NRG3: variants seen among roughly 807,000 people sequenced by gnomAD.
NRG3 encodes pro-neuregulin-3, membrane-bound isoform.
A neutral mutation model predicts 66.9 loss-of-function variants in NRG3; 31 were observed. The observed-to-expected ratio is 0.46, with a 90% CI of 0.35 to 0.63. NRG3 has a LOEUF of 0.63. NRG3 is among the 20% of genes least tolerant of loss of function. The pLI is 0.00. For missense variants in NRG3, 910 were observed against 878.9 expected, an observed-to-expected ratio of 1.04 and a Z score of -0.45; for synonymous variants, 393 against 359.4, an observed-to-expected ratio of 1.09 and a Z score of -1.06.
chr10:82,012,432 A>G (rs1303377472), intron 1 of NRG3, among the ~76,000 whole-genome samples: 1 of 150,470 alleles, frequency 6.6e-6, no homozygotes, highest in Non-Finnish European at 1.5e-5. Context: ...GAGACATTTT[A>G]CCCATTGTCT....
intron 4 of NRG3, among the ~76,000 whole-genome samples, chr10:82,900,282 G>A (rs1442020836): frequency 2.0e-5 from 3 of 152,126 alleles, no homozygotes; most frequent in South Asian, 2.1e-4. Context: ...TGAGATTTGG[G>A]TGGGGACACG....
Position 82,481,528 on chromosome 10 carries a change from CTATT to C in NRG3, c.953+122663_953+122666del, listed in dbSNP as rs550368876. On this transcript the variant is annotated intron_variant, in intron 2 of 8. Transcript: ENST00000372141. ...AAATTAAAGGGTCAAAATGATTACT[CTATT>C]TAATTAATCATTCATTTACATATTA... is the stretch of plus-strand genomic sequence containing the variant. 1.1e-3 allele frequency among the ~76,000 whole-genome samples: 175 copies of C among 152,192 alleles called. 1 individual carries two copies. The highest frequency in any genetic ancestry group is 3.9e-3 in the African/African-American group (164 of 41,520).
At chr10:82,907,981 A>C (rs918089253) in intron 4 of NRG3, among the ~76,000 whole-genome samples, 1 of 152,232 alleles carries the variant, frequency 6.6e-6, no homozygotes, top group African/African-American at 2.4e-5. Flanking sequence ...ATAAACCATC[A>C]TTCCTCCTTG....
At chr10:82,116,168 A>C (rs2067699630) in intron 1 of NRG3, among the ~76,000 whole-genome samples, 1 of 152,106 alleles carries the variant, frequency 6.6e-6, no homozygotes, top group Admixed American at 6.6e-5. Context: ...ATTCCAAAAA[A>C]AATTTTTTTA....
chr10:82,664,186 G>A (rs563037153), intron 2 of NRG3, among the ~76,000 whole-genome samples: 3 of 152,242 alleles, frequency 2.0e-5, no homozygotes, highest in African/African-American at 7.2e-5. Flanking sequence ...TTGTACTGGG[G>A]CTGATTCAAA....
At chr10:82,261,343 G>T (rs540634623) in intron 1 of NRG3, among the ~76,000 whole-genome samples, 2 of 152,246 alleles carry the variant, frequency 1.3e-5, no homozygotes, top group South Asian at 4.2e-4. Flanking sequence ...TGCCATGATT[G>T]TAAGTTTCCT....
chr10:82,144,575 A>ACGTGTAAT (rs1324320512), intron 1 of NRG3, among the ~76,000 whole-genome samples: 1 of 152,232 alleles, frequency 6.6e-6, no homozygotes, highest in East Asian at 1.9e-4. Context: ...TAAAAAGAAG[A>ACGTGTAAT]CGTGTAATAA....
In NRG3 at chr10:82,313,421, T is replaced by C. The variant is rs575250868; in HGVS notation, c.824-45318T>C. Reference sequence around the variant, plus strand: ...ATTGTTGCGATTATCATTATGATTATTATGTCATCTTTTAGTTGAGCCAAT... The same window carrying C: ...ATTGTTGCGATTATCATTATGATTACTATGTCATCTTTTAGTTGAGCCAAT... On this transcript the variant is annotated intron_variant, in intron 1 of 8. Coordinates refer to ENST00000372141, the MANE Select transcript of NRG3 (RefSeq NM_001010848.4). Among the ~76,000 whole-genome samples, 14 of 152,272 alleles carry C rather than the reference T, an allele frequency of 9.2e-5. No individual in the cohort carries two copies. In the East Asian group the frequency reaches 2.5e-3, roughly 27 times the overall value.
intron 2 of NRG3, among the ~76,000 whole-genome samples, chr10:82,705,211 C>G (rs2056195250): frequency 2.0e-5 from 3 of 152,170 alleles, no homozygotes; most frequent in African/African-American, 7.2e-5. Context: ...GCCCTCTGGA[C>G]TGGTGCTTCT....
intron 2 of NRG3, among the ~76,000 whole-genome samples, chr10:82,592,508 G>A (rs563413118): frequency 6.6e-5 from 10 of 152,234 alleles, no homozygotes; most frequent in Middle Eastern, 3.4e-3. Flanking sequence ...TGCATTTTTC[G>A]TGGGTAGCTT....
chr10:82,432,758 C>T (rs1029068655), intron 2 of NRG3, among the ~76,000 whole-genome samples: 13 of 152,098 alleles, frequency 8.5e-5, no homozygotes, highest in Admixed American at 8.5e-4. Context: ...ATGATGATGG[C>T]TTCTAGTGTC....
chr10:82,583,262 A>G (rs1357024240), intron 2 of NRG3, among the ~76,000 whole-genome samples: 2 of 152,060 alleles, frequency 1.3e-5, no homozygotes, highest in Non-Finnish European at 2.9e-5. Context: ...AGGTGATATG[A>G]GAACATTCTC....
chr10:82,418,027 G>C (rs1428797990), intron 2 of NRG3, among the ~76,000 whole-genome samples: 2 of 152,206 alleles, frequency 1.3e-5, no homozygotes, highest in Admixed American at 6.5e-5. Flanking sequence ...CTTTGAATTG[G>C]AAAGAAGGTT....
At position 82,986,276 on chromosome 10, in the gene NRG3, A is replaced by C. The variant is rs1224835127; in HGVS notation, c.*671A>C. 1 of 152,190 alleles carries C rather than the reference A, an allele frequency of 6.6e-6. No homozygotes were observed. 9.4% of individuals were successfully genotyped at this position (152,190 alleles called of 1,614,324 possible). ...CAGAAAAAGAGACAAAAAAATCCTT[A>C]TATCGTGTCACTAAAATCATGCTAA... is the stretch of plus-strand genomic sequence containing the variant. On this transcript the variant is annotated 3_prime_UTR_variant, in exon 9 of 9. Transcript: ENST00000372141.
At chr10:82,935,845 A>G (rs1205754088) in intron 4 of NRG3, among the ~76,000 whole-genome samples, 1 of 151,792 alleles carries the variant, frequency 6.6e-6, no homozygotes, top group African/African-American at 2.4e-5. Flanking sequence ...TACCTGCAAC[A>G]ACATATTGAA....
intron 4 of NRG3, among the ~76,000 whole-genome samples, chr10:82,939,536 A>G (rs1848398626): frequency 6.6e-6 from 1 of 151,718 alleles, no homozygotes; most frequent in South Asian, 2.1e-4. Flanking sequence ...CAGTGGTGCA[A>G]TCTGCTCACT....
chr10:82,080,566 G>A (rs1330145539), intron 1 of NRG3, among the ~76,000 whole-genome samples: 3 of 151,952 alleles, frequency 2.0e-5, no homozygotes, highest in Non-Finnish European at 4.4e-5. Context: ...GGTGATCCCT[G>A]TCCCATCTCT....
At chr10:82,423,572 C>T (rs968493774) in intron 2 of NRG3, among the ~76,000 whole-genome samples, 2 of 151,602 alleles carry the variant, frequency 1.3e-5, no homozygotes, top group African/African-American at 2.4e-5. Context: ...TGGAGGGAAA[C>T]ACAAGGAAAC....
intron 3 of NRG3, among the ~76,000 whole-genome samples, chr10:82,779,611 AT>A (rs1289664008): frequency 6.6e-6 from 1 of 151,820 alleles, no homozygotes. Context: ...CTTGTGACAT[AT>A]TTTTTCTGCT....
Sources: allele counts gnomAD v4.1 joint callset (sites outside exome capture counted in the v4.1 genomes callset), GRCh38; gene constraint gnomAD v4.1.1; transcripts MANE v1.5; gene names NCBI Gene and HGNC (gene_info 2026-07-23, HGNC 2026-07-21).